Variants in GATAD1 observed in about 807,000 individuals in gnomAD.
The protein encoded by GATAD1 is GATA zinc finger domain-containing protein 1.
In GATAD1, 12 loss-of-function variants were observed where a neutral mutation model predicts 26.5. That is an observed-to-expected ratio of 0.45 (90% CI 0.29 to 0.73). The LOEUF (loss-of-function observed/expected upper bound fraction) is 0.73. GATAD1 is among the 30% of genes least tolerant of loss of function. GATAD1 has a pLI of 0.10. For missense variants in GATAD1, 266 were observed against 342.1 expected, an observed-to-expected ratio of 0.78 and a Z score of 1.75; for synonymous variants, 129 against 133.1, an observed-to-expected ratio of 0.97 and a Z score of 0.21.
intron 3 of GATAD1, chr7:92,454,227 G>A (rs151045134): frequency 8.4e-4 from 300 of 357,260 alleles, no homozygotes; most frequent in African/African-American, 5.8e-3. Context: ...AGTGGGGATG[G>A]TATTACGGCA....
chr7:92,469,683 T>C, the GATAD1 span: 5 of 764,404 alleles, frequency 6.5e-6, no homozygotes, highest in Admixed American at 8.5e-5. Flanking sequence ...AGGTGAGGTT[T>C]GAGGTATGGG....
At chr7:92,464,650 AGAAT>A (rs3217160), downstream of GATAD1, among the ~76,000 whole-genome samples, 237 of 152,364 alleles carry the variant, frequency 1.6e-3, 7 homozygotes, top group East Asian at 0.04. Flanking sequence ...GGAATTAAGA[AGAAT>A]GGAAAAACTG....
the GATAD1 span, among the ~76,000 whole-genome samples, chr7:92,474,079 C>T: frequency 6.6e-6 from 1 of 152,128 alleles, no homozygotes; most frequent in Non-Finnish European, 1.5e-5. Flanking sequence ...ATTCAATTTG[C>T]CCAGCTTTTC....
At position 92,454,535 on chromosome 7, in the gene GATAD1, G is replaced by A. The variant is rs749359981; in HGVS notation, c.469G>A (p.Val157Met). The change falls in exon 4 of 5, where the codon GTG becomes ATG. Residue 157 changes from valine to methionine, a missense_variant. Coordinates refer to ENST00000287957, the MANE Select transcript of GATAD1 (RefSeq NM_021167.5). ...VYYQIGDVVS[V>M]IDEQDGKPYY... ...TTACCAAATTGGTGATGTTGTTTCT[G>A]TGATTGATGAACAAGATGGAAAGCC... 1.2e-6 allele frequency: 2 copies of A among 1,612,698 alleles called. No homozygotes were observed. Among genetic ancestry groups the A allele is most frequent in the South Asian group, 1.1e-5 (1 of 91,004 alleles).
the GATAD1 span, among the ~76,000 whole-genome samples, chr7:92,466,713 T>C: frequency 6.6e-6 from 1 of 152,170 alleles, no homozygotes; most frequent in Admixed American, 6.5e-5. Flanking sequence ...TCGAGATAAA[T>C]AGTCCTCAAC....
the GATAD1 span, among the ~76,000 whole-genome samples, chr7:92,486,787 C>T: frequency 0.043 from 6,476 of 152,074 alleles, 379 homozygotes; most frequent in East Asian, 0.28. Flanking sequence ...ATATTAGATA[C>T]GCAGATTGTA....
the GATAD1 span, among the ~76,000 whole-genome samples, chr7:92,476,708 C>CT: frequency 6.6e-6 from 1 of 151,932 alleles, no homozygotes; most frequent in East Asian, 1.9e-4. Context: ...CTCTGTCTCT[C>CT]TTTTCCCTCA....
the GATAD1 span, among the ~76,000 whole-genome samples, chr7:92,481,197 A>C: frequency 6.6e-6 from 1 of 152,288 alleles, no homozygotes; most frequent in African/African-American, 2.4e-5. Context: ...GAAAAGAAGG[A>C]AATATGGGGA....
chr7:92,482,842 G>A, the GATAD1 span, among the ~76,000 whole-genome samples: 6 of 152,152 alleles, frequency 3.9e-5, no homozygotes, highest in African/African-American at 1.4e-4. Flanking sequence ...GAGTGGGGGA[G>A]TTTTAAGGGG....
chr7:92,491,079 C>CA, the GATAD1 span, among the ~76,000 whole-genome samples: 1 of 152,202 alleles, frequency 6.6e-6, no homozygotes, highest in Non-Finnish European at 1.5e-5. Flanking sequence ...TCCTTGCTCC[C>CA]AGCCCTGTCT....
the GATAD1 span, chr7:92,494,668 T>G: frequency 7.5e-6 from 12 of 1,602,678 alleles, no homozygotes; most frequent in Non-Finnish European, 1.0e-5. Context: ...TGAATCAGGC[T>G]TCATAGTTGG....
At chr7:92,461,912 G>T (rs926055798), downstream of GATAD1, among the ~76,000 whole-genome samples, 3 of 152,120 alleles carry the variant, frequency 2.0e-5, no homozygotes, top group Non-Finnish European at 4.4e-5. Flanking sequence ...ACCAACTCTG[G>T]TACAGTGTGA....
At chr7:92,477,160 A>G in the GATAD1 span, among the ~76,000 whole-genome samples, 1 of 152,154 alleles carries the variant, frequency 6.6e-6, no homozygotes. Flanking sequence ...GGCTTCCCCA[A>G]GAAAACTGAA....
At chr7:92,475,302 C>T in the GATAD1 span, 1 of 151,660 alleles carries the variant, frequency 6.6e-6, no homozygotes, top group Non-Finnish European at 1.5e-5. Context: ...GGGAACGTTT[C>T]CCATCTGAAA....
chr7:92,494,814 T>G, the GATAD1 span, among the ~76,000 whole-genome samples: 2 of 151,202 alleles, frequency 1.3e-5, no homozygotes, highest in Non-Finnish European at 3.0e-5. Flanking sequence ...CATATAAATG[T>G]ATTTATATAT....
At chr7:92,460,928 A>AGC (rs931351567), downstream of GATAD1, among the ~76,000 whole-genome samples, 2 of 151,412 alleles carry the variant, frequency 1.3e-5, no homozygotes, top group African/African-American at 2.4e-5. Context: ...TTTTACAATA[A>AGC]GCACACACAC....
At chr7:92,470,177 G>T in the GATAD1 span, 1 of 778,642 alleles carries the variant, frequency 1.3e-6, no homozygotes, top group Non-Finnish European at 2.4e-6. Context: ...CAGTTGCGGG[G>T]CATATGGGTG....
chr7:92,460,343 A>T (rs1388499921), downstream of GATAD1, among the ~76,000 whole-genome samples: 2 of 152,140 alleles, frequency 1.3e-5, no homozygotes, highest in South Asian at 2.1e-4. Context: ...TTTACTTCAT[A>T]CCAGGTGTGT....
At chr7:92,478,248 C>T in the GATAD1 span, among the ~76,000 whole-genome samples, 1 of 152,190 alleles carries the variant, frequency 6.6e-6, no homozygotes, top group Non-Finnish European at 1.5e-5. Flanking sequence ...AGAAAGGAAG[C>T]CCGCCCCAGG....
Sources: gnomAD v4.1 joint callset for allele counts (sites outside exome capture counted in the v4.1 genomes callset) on GRCh38, gnomAD v4.1.1 for gene constraint, MANE v1.5 for transcripts, NCBI Gene and HGNC (gene_info 2026-07-23, HGNC 2026-07-21) for gene names.